NECAB1: variants seen among roughly 807,000 people sequenced by gnomAD.
NECAB1 encodes the protein N-terminal EF-hand calcium binding protein 1.
In NECAB1, 29 loss-of-function variants were observed where a neutral mutation model predicts 57.5. The ratio of observed to expected loss-of-function variants is 0.50; its 90% confidence interval spans 0.38 to 0.69. The LOEUF is 0.69. NECAB1 is among the 30% of genes least tolerant of loss of function. The pLI is 0.00. For synonymous variants in NECAB1, 142 were observed against 147.7 expected (o/e 0.96, Z 0.28); for missense variants, 372 against 413.8 (o/e 0.90, Z 0.88).
intron 2 of NECAB1, among the ~76,000 whole-genome samples, chr8:90,803,501 T>C (rs1217739132): frequency 6.6e-6 from 1 of 152,164 alleles, no homozygotes; most frequent in African/African-American, 2.4e-5. Flanking sequence ...AAAATTAGGA[T>C]AATCCACAGT....
At chr8:90,861,995 AACAC>A (rs1326825208) in intron 3 of NECAB1, among the ~76,000 whole-genome samples, 1 of 152,208 alleles carries the variant, frequency 6.6e-6, no homozygotes, top group Admixed American at 6.5e-5. Context: ...AATAGTTAGG[AACAC>A]ACTAATACAG....
chr8:90,887,924 G>A (rs543779206), intron 5 of NECAB1, among the ~76,000 whole-genome samples: 5 of 152,246 alleles, frequency 3.3e-5, no homozygotes, highest in South Asian at 2.1e-4. Context: ...ATTCTTAACA[G>A]ATTGCTAGAG....
chr8:90,860,366 A>G (rs946673515), intron 3 of NECAB1, among the ~76,000 whole-genome samples: 3 of 151,656 alleles, frequency 2.0e-5, no homozygotes, highest in Non-Finnish European at 4.4e-5. Context: ...TTTAAGAAGT[A>G]TTTATAGAGC....
chr8:90,861,935 A>G (rs930872729), intron 3 of NECAB1, among the ~76,000 whole-genome samples: 1 of 152,190 alleles, frequency 6.6e-6, no homozygotes, highest in Non-Finnish European at 1.5e-5. Flanking sequence ...GTCATCTAAT[A>G]GCGATGAATG....
At chr8:90,904,254 T>G (rs578158768) in intron 5 of NECAB1, among the ~76,000 whole-genome samples, 75 of 123,366 alleles carry the variant, frequency 6.1e-4, no homozygotes, top group African/African-American at 2.9e-3. Flanking sequence ...GCAAGGAATA[T>G]GTACTGAAAG....
intron 3 of NECAB1, among the ~76,000 whole-genome samples, chr8:90,863,670 A>G (rs1586067841): frequency 6.6e-6 from 1 of 152,160 alleles, no homozygotes; most frequent in African/African-American, 2.4e-5. Context: ...GAGTGTTATT[A>G]TATTTAATAC....
chr8:90,798,844 G>A (rs578176595), intron 1 of NECAB1, among the ~76,000 whole-genome samples: 2 of 152,150 alleles, frequency 1.3e-5, no homozygotes, highest in Non-Finnish European at 2.9e-5. Context: ...TCAAATGGTA[G>A]TTCTGTTTTA....
intron 3 of NECAB1, among the ~76,000 whole-genome samples, chr8:90,844,980 G>A (rs1053501538): frequency 6.6e-6 from 1 of 152,174 alleles, no homozygotes; most frequent in East Asian, 1.9e-4. Context: ...AATCTGCAGG[G>A]TGGGTCATCA....
At chr8:90,793,125 A>G (rs1773739252) in intron 1 of NECAB1, among the ~76,000 whole-genome samples, 1 of 152,244 alleles carries the variant, frequency 6.6e-6, no homozygotes, top group Non-Finnish European at 1.5e-5. Flanking sequence ...TGGAGAGATG[A>G]AAATATGAGG....
chr8:90,798,570 T>C (rs1789379207), intron 1 of NECAB1, among the ~76,000 whole-genome samples: 1 of 152,234 alleles, frequency 6.6e-6, no homozygotes, highest in African/African-American at 2.4e-5. Flanking sequence ...TGCTTCTGCA[T>C]TAATTCACTC....
chr8:90,851,400 G>A (rs1050236903), intron 3 of NECAB1, among the ~76,000 whole-genome samples: 1 of 152,134 alleles, frequency 6.6e-6, no homozygotes, highest in Non-Finnish European at 1.5e-5. Context: ...ATCTGCAGTG[G>A]GCTAGGGGCA....
chr8:90,902,286 G>A (rs573312060), intron 5 of NECAB1, among the ~76,000 whole-genome samples: 10 of 152,120 alleles, frequency 6.6e-5, no homozygotes, highest in Non-Finnish European at 1.3e-4. Context: ...CAAGCACAAT[G>A]GCACATGCCT....
chr8:90,798,821 C>A (rs112261214), intron 1 of NECAB1, among the ~76,000 whole-genome samples: 1 of 152,118 alleles, frequency 6.6e-6, no homozygotes, highest in East Asian at 1.9e-4. Flanking sequence ...TACTCAGTAA[C>A]GGGATTGCAG....
intron 10 of NECAB1, among the ~76,000 whole-genome samples, chr8:90,946,530 TTTATA>T: frequency 6.6e-6 from 1 of 152,330 alleles, no homozygotes; most frequent in South Asian, 2.1e-4. Context: ...GTAACAGTCA[TTTATA>T]TTATAAGTAC....
chr8:90,896,201 A>G (rs1238039688), intron 5 of NECAB1, among the ~76,000 whole-genome samples: 2 of 152,186 alleles, frequency 1.3e-5, no homozygotes, highest in African/African-American at 4.8e-5. Context: ...CTTTTGGAAA[A>G]TCAAGCAAAA....
intron 3 of NECAB1, among the ~76,000 whole-genome samples, chr8:90,842,230 G>A (rs368680383): frequency 1.3e-5 from 2 of 152,126 alleles, no homozygotes; most frequent in East Asian, 1.9e-4. Flanking sequence ...TGGAGCCTGG[G>A]GAGTATTACA....
chr8:90,857,016 A>G (rs563311815), intron 3 of NECAB1, among the ~76,000 whole-genome samples: 1 of 152,370 alleles, frequency 6.6e-6, no homozygotes, highest in Admixed American at 6.5e-5. Flanking sequence ...CAACTCCAAC[A>G]AAAGGAATGA....
intron 3 of NECAB1, among the ~76,000 whole-genome samples, chr8:90,844,236 G>A (rs746866970): frequency 6.6e-6 from 1 of 152,114 alleles, no homozygotes; most frequent in Non-Finnish European, 1.5e-5. Flanking sequence ...TCTCCATGAT[G>A]CATCAGCAGG....
intron 5 of NECAB1, among the ~76,000 whole-genome samples, chr8:90,912,178 A>G (rs1809846527): frequency 6.6e-6 from 1 of 152,064 alleles, no homozygotes; most frequent in Non-Finnish European, 1.5e-5. Flanking sequence ...ACCCATGTGC[A>G]TTTTTCTAAA....
Sources: allele counts gnomAD v4.1 joint callset (sites outside exome capture counted in the v4.1 genomes callset), GRCh38; gene constraint gnomAD v4.1.1; transcripts MANE v1.5; gene names NCBI Gene and HGNC (gene_info 2026-07-23, HGNC 2026-07-21).